DIP2C: variants seen among roughly 807,000 people sequenced by gnomAD.
DIP2C encodes disco-interacting protein 2 homolog C.
Under a neutral mutation model 192.4 loss-of-function variants are expected in DIP2C, and 33 were observed. The ratio of observed to expected loss-of-function variants is 0.17; its 90% CI spans 0.13 to 0.23. DIP2C has a LOEUF of 0.23. Ranked by LOEUF, DIP2C falls within the 10% of genes least tolerant of loss-of-function variation. The probability of loss-of-function intolerance (pLI) is 1.00; values close to 1 mark genes in which losing one functional copy is unlikely to be tolerated. For synonymous variants in DIP2C, 979 were observed against 864.1 expected (o/e 1.13, Z -2.33); for missense variants, 1,537 against 2,110.1 (o/e 0.73, Z 5.32).
intron 1 of DIP2C, among the ~76,000 whole-genome samples, chr10:518,763 C>A (rs987987671): frequency 6.6e-6 from 1 of 152,210 alleles, no homozygotes; most frequent in Non-Finnish European, 1.5e-5. Flanking sequence ...CAATGCTCAC[C>A]GTCCTACAGA....
rs931734464 is a variant in DIP2C, at chr10:460,746, A to G, written c.268+11693T>C. On this transcript the variant is annotated intron_variant, in intron 3 of 36. Transcript: ENST00000280886. ...CTTGAGAAAAGCAACCCCAAGACACATAATTGTCAGATTCACCAAGATTAA... is the reference window on the plus strand; with the variant it reads ...CTTGAGAAAAGCAACCCCAAGACACGTAATTGTCAGATTCACCAAGATTAA... Among the ~76,000 whole-genome samples the G allele has an allele frequency of 7.2e-5, 11 of 152,188 alleles. 1 individual carries two copies. The highest frequency in any genetic ancestry group is 2.2e-4 in the African/African-American group (9 of 41,444).
chr10:442,664 A>C (rs1654718231), intron 3 of DIP2C, among the ~76,000 whole-genome samples: 1 of 152,134 alleles, frequency 6.6e-6, no homozygotes, highest in South Asian at 2.1e-4. Flanking sequence ...TCCCCCATGA[A>C]TTTTCTAAGT....
intron 1 of DIP2C, among the ~76,000 whole-genome samples, chr10:685,135 CAAAAAAAAAAAAAA>C (rs140709069): frequency 1.4e-3 from 100 of 72,930 alleles, no homozygotes; most frequent in African/African-American, 6.1e-3. Flanking sequence ...ACTTGGTCCC[CAAAAAAAAAAAAAA>C]AAAAAAAAAA....
chr10:281,104 T>TAACAA, intron 36 of DIP2C, 96 bp downstream of exon 36: 1 of 1,543,268 alleles, frequency 6.5e-7, no homozygotes, highest in African/African-American at 1.4e-5. Context: ...TTCCCTACCT[T>TAACAA]AACAAAACTC....
chr10:383,466 A>C (rs377620883), intron 16 of DIP2C, among the ~76,000 whole-genome samples: 6 of 152,210 alleles, frequency 3.9e-5, no homozygotes, highest in African/African-American at 1.4e-4. Flanking sequence ...GTTGGCTGAA[A>C]TATTTCTCAA....
In DIP2C at chr10:534,000, T is replaced by G. The variant is rs1475809396; in HGVS notation, c.86-47470A>C. ...TGAAGGAATTAGGGTTTGACATGCT[T>G]TAAAAAAAAAAAAAGAGGAACGTTC... On this transcript the variant is annotated intron_variant, in intron 1 of 36. Transcript: ENST00000280886. Among the ~76,000 whole-genome samples the G allele has an allele frequency of 3.0e-5, 3 of 98,780 alleles. No individual in the cohort carries two copies. The East Asian group carries it at 7.5e-4, about 25-fold the overall frequency. 64.8% of individuals were successfully genotyped at this position (98,780 alleles called of 152,430 possible).
chr10:477,763 A>C (rs937920607), intron 2 of DIP2C, among the ~76,000 whole-genome samples: 2 of 99,762 alleles, frequency 2.0e-5, no homozygotes, highest in African/African-American at 5.9e-5. Context: ...AGGAGAGAGA[A>C]GAAAAAGGAA....
At chr10:639,859 T>C (rs1383168566) in intron 1 of DIP2C, among the ~76,000 whole-genome samples, 2 of 152,214 alleles carry the variant, frequency 1.3e-5, no homozygotes, top group African/African-American at 2.4e-5. Flanking sequence ...AATCACAGCA[T>C]TATCCATTGA....
chr10:484,640 G>A, intron 2 of DIP2C: 1 of 1,217,816 alleles, frequency 8.2e-7, no homozygotes, highest in Non-Finnish European at 1.1e-6. Flanking sequence ...GGCCTGTGGA[G>A]CGACCTGGCT....
At chr10:485,887 T>C (rs1209160928) in intron 2 of DIP2C, among the ~76,000 whole-genome samples, 1 of 152,248 alleles carries the variant, frequency 6.6e-6, no homozygotes, top group Non-Finnish European at 1.5e-5. Flanking sequence ...CCATCTAATA[T>C]GAGATTCTTT....
At chr10:494,047 GAA>G (rs1028212137) in intron 1 of DIP2C, among the ~76,000 whole-genome samples, 3 of 152,244 alleles carry the variant, frequency 2.0e-5, no homozygotes, top group African/African-American at 7.2e-5. Context: ...TCCAGGATCT[GAA>G]AAGTCACGCT....
chr10:555,815 A>G (rs182420802), intron 1 of DIP2C, among the ~76,000 whole-genome samples: 15 of 152,188 alleles, frequency 9.9e-5, no homozygotes, highest in African/African-American at 3.4e-4. Context: ...CTCAAGCCAC[A>G]CGGCGTCCAG....
chr10:368,015 C>T (rs1352796785), intron 18 of DIP2C, among the ~76,000 whole-genome samples: 21 of 1,516 alleles, frequency 0.014, no homozygotes, highest in African/African-American at 0.018. Context: ...TGCTGCACAG[C>T]CCCAGGTGCC....
Position 329,510 on chromosome 10 carries a change from C to G in DIP2C, c.3676G>C (p.Val1226Leu). Residue 1226 changes from valine to leucine, a missense_variant, in exon 30 of 37, where the codon GTC becomes CTC. Coordinates refer to ENST00000280886, the MANE Select transcript of DIP2C (RefSeq NM_014974.3). ...GAGTAGGAGCAAAACGTGTCTCGGA[C>G]TTTGTACTGACTCACGGCAAGAAGC... is the stretch of plus-strand genomic sequence containing the variant. ...LWLLAVSQYK[V>L]RDTFCSYSVM... is the part of the protein sequence containing the mutation. The G allele has an allele frequency of 6.2e-7, 1 of 1,614,196 alleles. No individual in the cohort carries two copies. Among genetic ancestry groups the G allele is most frequent in the Non-Finnish European group, 8.5e-7 (1 of 1,180,034 alleles).
At chr10:350,332 C>A (rs1399865649) in intron 24 of DIP2C, among the ~76,000 whole-genome samples, 1 of 152,076 alleles carries the variant, frequency 6.6e-6, no homozygotes, top group Non-Finnish European at 1.5e-5. Context: ...AGTGATCTTC[C>A]CATCTTGGCC....
At chr10:619,510 A>AGGCCAG (rs1853702588) in intron 1 of DIP2C, among the ~76,000 whole-genome samples, 1 of 127,706 alleles carries the variant, frequency 7.8e-6, no homozygotes, top group African/African-American at 3.7e-5. Flanking sequence ...CACAGGCTTT[A>AGGCCAG]TGCCAGGGCC....
In DIP2C at chr10:675,848, T is replaced by G. The variant is rs140718154; in HGVS notation, c.85+13646A>C. On this transcript the variant is annotated intron_variant, in intron 1 of 36. Coordinates refer to ENST00000280886, the MANE Select transcript of DIP2C (RefSeq NM_014974.3). ...ACAGCTGAATTCTACAAATTTTTAT[T>G]TCAATTCTTCTCAAACTATTCCAAA... Among the ~76,000 whole-genome samples, 466 of 152,192 alleles carry G rather than the reference T, an allele frequency of 3.1e-3. 3 individuals are homozygous for G. Among genetic ancestry groups the G allele is most frequent in the African/African-American group, 0.011 (449 of 41,558 alleles).
intron 1 of DIP2C, among the ~76,000 whole-genome samples, chr10:634,224 G>A (rs988054461): frequency 2.0e-5 from 3 of 152,218 alleles, no homozygotes; most frequent in Non-Finnish European, 4.4e-5. Context: ...TAGATACTGA[G>A]GCTCCACACA....
At chr10:593,481 C>T (rs1422577112) in intron 1 of DIP2C, among the ~76,000 whole-genome samples, 2 of 107,898 alleles carry the variant, frequency 1.9e-5, no homozygotes, top group Admixed American at 9.2e-5. Flanking sequence ...TCTGCCCACG[C>T]GGGACCCCCC....
Sources: gnomAD v4.1 joint callset for allele counts (sites outside exome capture counted in the v4.1 genomes callset) on GRCh38, gnomAD v4.1.1 for gene constraint, MANE v1.5 for transcripts, NCBI Gene and HGNC (gene_info 2026-07-23, HGNC 2026-07-21) for gene names.